The following CELSR1 variants were observed in gnomAD, a reference collection of about 807,000 sequenced individuals.
The protein encoded by CELSR1 is adhesion G protein-coupled receptor C1.
A neutral mutation model predicts 249.1 loss-of-function variants in CELSR1; 110 were observed. That is an observed-to-expected ratio of 0.44 (90% CI 0.38 to 0.52). The LOEUF is 0.52. Ranked by LOEUF, CELSR1 falls within the 20% of genes least tolerant of loss-of-function variation. CELSR1 has a pLI of 0.00. For synonymous variants in CELSR1, 2,113 were observed against 1,900.0 expected, an observed-to-expected ratio of 1.11 and a Z score of -2.92; for missense variants, 4,109 against 4,296.4, an observed-to-expected ratio of 0.96 and a Z score of 1.22.
chr22:46,472,266 C>A lies in CELSR1; in HGVS notation c.3545-7921G>T, dbSNP rs940522413. ...TCTGGGTCTTCATGGAGGTTGGGAC[C>A]TGTCCAGTCCCCGACTTTCGTGAAA... On this transcript the variant is annotated intron_variant, in intron 1 of 34. Coordinates refer to ENST00000674500, the MANE Select transcript of CELSR1 (RefSeq NM_001378328.1). The surrounding 1 kb of genome is among the most constrained non-coding windows in gnomAD (Gnocchi z 7.0). Among the ~76,000 whole-genome samples, 1 of 152,220 alleles carries A rather than the reference C, an allele frequency of 6.6e-6. No individual in the cohort carries two copies. The highest frequency in any genetic ancestry group is 2.4e-5 in the African/African-American group (1 of 41,462).
At chr22:46,432,761 C>T (rs2079610319) in intron 5 of CELSR1, among the ~76,000 whole-genome samples, 1 of 152,140 alleles carries the variant, frequency 6.6e-6, no homozygotes, top group Non-Finnish European at 1.5e-5. Flanking sequence ...CCCAGAATTT[C>T]AGCCACTAGT....
rs1466782413 is a variant in CELSR1, at chr22:46,536,787, G to A, written c.384C>T (p.Cys128=). The change falls in exon 1 of 35, where the codon TGC becomes TGT. Residue 128 remains cysteine, a synonymous_variant. Coordinates refer to ENST00000674500, the MANE Select transcript of CELSR1 (RefSeq NM_001378328.1). ...CGGGGACGGGGAAGCAGAGCGCCCC[G>A]CAGAGCCGGGCACCGGTTCCGCAGA... is the stretch of plus-strand genomic sequence containing the variant. ...ARLCGTGARL[C]GALCFPVPGG... 1.7e-6 allele frequency: 2 copies of A among 1,188,726 alleles called. No individual in the cohort carries two copies. Among genetic ancestry groups the A allele is most frequent in the East Asian group, 3.8e-5 (1 of 26,104 alleles). The allele number at this position is 1,188,726 out of a possible 1,614,324, so 73.6% of individuals were successfully genotyped here.
rs1318682845 is a variant in CELSR1, at chr22:46,536,825, C to A, written c.346G>T (p.Ala116Ser). The A allele has an allele frequency of 8.3e-7, 1 of 1,206,282 alleles. No homozygotes were observed. The highest frequency in any genetic ancestry group is 4.5e-5 in the Admixed American group (1 of 22,384). The allele number at this position is 1,206,282 out of a possible 1,614,324, so 74.7% of individuals were successfully genotyped here. A position where few individuals can be genotyped will look rare whatever the true frequency, so the allele number is the denominator to read the frequency against. Residue 116 changes from alanine (A) to serine (S), a missense_variant, in exon 1 of 35, where the codon GCC becomes TCC. Physicochemically the swap from Ala to Ser is moderately conservative, Grantham distance 99. Transcript: ENST00000674500. ...RARTHLPGCG[A>S]RARLCGTGAR... ...CCGGTTCCGCAGAGCCGGGCACGGG[C>A]TCCGCAGCCGGGAAGGTGCGTGCGC...
chr22:46,493,624 G>A (rs2080388290), intron 1 of CELSR1, among the ~76,000 whole-genome samples: 1 of 151,752 alleles, frequency 6.6e-6, no homozygotes, highest in Admixed American at 6.6e-5. Flanking sequence ...ATCTTGAATT[G>A]TAGCTCCCAC....
At chr22:46,477,297 T>C (rs1386671486) in intron 1 of CELSR1, among the ~76,000 whole-genome samples, 2 of 152,190 alleles carry the variant, frequency 1.3e-5, no homozygotes, top group African/African-American at 4.8e-5. Flanking sequence ...CAGCCGGGAC[T>C]TCGACAGGGA....
intron 1 of CELSR1, among the ~76,000 whole-genome samples, chr22:46,481,051 A>C (rs1054977956): frequency 1.3e-5 from 2 of 152,162 alleles, no homozygotes; most frequent in Non-Finnish European, 2.9e-5. Flanking sequence ...TCTGACCAAC[A>C]TGGTGAAACC....
At chr22:46,420,593 G>T (rs112994066) in intron 5 of CELSR1, among the ~76,000 whole-genome samples, 38 of 152,162 alleles carry the variant, frequency 2.5e-4, no homozygotes, top group African/African-American at 8.7e-4. Context: ...CCATACTCGT[G>T]CTCATGCTTG....
intron 24 of CELSR1, among the ~76,000 whole-genome samples, chr22:46,373,687 G>A (rs1373728688): frequency 7.5e-6 from 1 of 133,384 alleles, no homozygotes; most frequent in Non-Finnish European, 1.6e-5. Context: ...GGGGGAGATG[G>A]GGGAGAAGGG....
intron 2 of CELSR1, among the ~76,000 whole-genome samples, chr22:46,455,638 T>C (rs991408339): frequency 2.0e-5 from 3 of 152,154 alleles, no homozygotes; most frequent in African/African-American, 7.2e-5. Context: ...GCCACTCAGT[T>C]TGTGCCGATC....
chr22:46,367,771 T>G lies in CELSR1; in HGVS notation c.8037A>C (p.Ala2679=), dbSNP rs200923519. ...LLGLLAVNRD[A]LSFHYLFAIF... ...TGGCGAAGAGGTAGTGAAAGCTCAG[T>G]GCATCGCGGTTCACAGCCAGCAGCC... The change falls in exon 28 of 35, where the codon GCA becomes GCC. Residue 2679 remains alanine (A), a synonymous_variant. Transcript: ENST00000674500. 6.2e-7 allele frequency: 1 copy of G among 1,610,026 alleles called. No individual in the cohort carries two copies.
chr22:46,403,164 A>C (rs1457982293), intron 9 of CELSR1, among the ~76,000 whole-genome samples: 2 of 152,356 alleles, frequency 1.3e-5, no homozygotes, highest in African/African-American at 4.8e-5. Context: ...AATCAAGATT[A>C]CTAAGAGAAG....
rs2079136006 is a variant in CELSR1 at position 46,395,298 on chromosome 22, G to A, written c.5844-1036C>T. On this transcript the variant is annotated intron_variant, in intron 13 of 34. Transcript: ENST00000674500. The surrounding 1 kb of genome is among the most constrained non-coding windows in gnomAD (Gnocchi z 5.5). ...CCAAGCTGTGCTCCATGCGGCAGGT[G>A]GGGGTTCCCTAAGACCAGGTCCTGC... 6.6e-6 allele frequency among the ~76,000 whole-genome samples: 1 copy of A among 152,140 alleles called. No homozygotes were observed. The highest frequency in any genetic ancestry group is 1.5e-5 in the Non-Finnish European group (1 of 68,018).
In CELSR1 at chr22:46,381,364, GGAA is replaced by G. The variant is rs541065283; in HGVS notation, c.7089-412_7089-410del. 9.2e-4 allele frequency among the ~76,000 whole-genome samples: 140 copies of G among 152,304 alleles called. 1 individual carries two copies. Among genetic ancestry groups the G allele is most frequent in the African/African-American group, 3.2e-3 (135 of 41,560 alleles). On this transcript the variant is annotated intron_variant, in intron 21 of 34. Coordinates refer to ENST00000674500, the MANE Select transcript of CELSR1 (RefSeq NM_001378328.1). The surrounding 1 kb of genome is among the most constrained non-coding windows in gnomAD (Gnocchi z 6.0). ...GTGAACACGAGGATCCCAGAGCCAG[GGAA>G]GTATCTGGGAAATGGCAGGAAGAAG...
At chr22:46,492,502 C>T (rs5768830) in intron 1 of CELSR1, among the ~76,000 whole-genome samples, 68,026 of 151,916 alleles carry the variant, frequency 0.45, 17,569 homozygotes, top group African/African-American at 0.73. Flanking sequence ...GTTATTCCCA[C>T]CTGGATATAT....
intron 2 of CELSR1, among the ~76,000 whole-genome samples, chr22:46,463,223 G>A (rs1210728693): frequency 6.6e-6 from 1 of 152,212 alleles, no homozygotes; most frequent in African/African-American, 2.4e-5. Flanking sequence ...GGCTAAGAAA[G>A]TGCCATTGCT....
intron 1 of CELSR1, among the ~76,000 whole-genome samples, chr22:46,531,185 TTTTATTTATTTATTTATTTA>T (rs151076267): frequency 1.1e-4 from 17 of 148,058 alleles, no homozygotes; most frequent in African/African-American, 4.0e-4. Flanking sequence ...CTGCGCATCC[TTTTATTTATTTATTTATTTA>T]TTTATTTATT....
chr22:46,455,530 A>G (rs1291896159), intron 2 of CELSR1, among the ~76,000 whole-genome samples: 1 of 152,138 alleles, frequency 6.6e-6, no homozygotes, highest in Non-Finnish European at 1.5e-5. Flanking sequence ...TGAATTCCTG[A>G]CCTCAAGTGA....
rs138392649 is a variant in CELSR1, at chr22:46,364,004, G to A, written c.9027C>T (p.Ser3009=). 6.1e-4 allele frequency: 983 copies of A among 1,605,652 alleles called. 16 individuals are homozygous for A. In the East Asian group the frequency reaches 0.019, roughly 31 times the overall value. The change falls in exon 34 of 35, where the codon TCC becomes TCT. Residue 3009 remains serine, a synonymous_variant. Coordinates refer to ENST00000674500, the MANE Select transcript of CELSR1 (RefSeq NM_001378328.1). ...AGGCCCAGGCTACTCACTCAGAGTC[G>A]GAGCCATCGGCCTGGGCGCTCCCAG... ...VRTGSAQADG[S]DSEGSNETSI
At position 46,484,675 on chromosome 22, in the gene CELSR1, A is replaced by G. The variant is rs561241180; in HGVS notation, c.3545-20330T>C. On this transcript the variant is annotated intron_variant, in intron 1 of 34. Coordinates refer to ENST00000674500, the MANE Select transcript of CELSR1 (RefSeq NM_001378328.1). The surrounding 1 kb of genome is among the most constrained non-coding windows in gnomAD (Gnocchi z 4.5). ...GCTGGGCATGGGGGTTCTGCCCCAGAGACCCTGTGGCCATCAGAGATGCTG... is the reference window on the plus strand; with the variant it reads ...GCTGGGCATGGGGGTTCTGCCCCAGGGACCCTGTGGCCATCAGAGATGCTG... Among the ~76,000 whole-genome samples the G allele has an allele frequency of 2.1e-3, 301 of 142,012 alleles. No homozygotes were observed. The highest frequency in any genetic ancestry group is 7.6e-3 in the African/African-American group (295 of 38,826). 93.2% of individuals were successfully genotyped at this position (142,012 alleles called of 152,430 possible).
Sources: gnomAD v4.1 joint callset for allele counts (sites outside exome capture counted in the v4.1 genomes callset) on GRCh38, gnomAD v4.1.1 for gene constraint, Gnocchi (gnomAD v3.1) non-coding constraint, MANE v1.5 for transcripts, NCBI Gene and HGNC (gene_info 2026-07-23, HGNC 2026-07-21) for gene names.